The following RSPO3 variants were observed in gnomAD, a reference collection of about 807,000 sequenced individuals.
RSPO3 encodes the protein R-spondin 3.
Under a neutral mutation model 36.5 loss-of-function variants are expected in RSPO3, and 17 were observed. The ratio of observed to expected loss-of-function variants is 0.47; its 90% CI spans 0.32 to 0.70. RSPO3 has a LOEUF of 0.70. Ranked by LOEUF, RSPO3 falls within the 30% of genes least tolerant of loss-of-function variation. The pLI is 0.04. For synonymous variants in RSPO3, 108 were observed against 107.0 expected, an observed-to-expected ratio of 1.01 and a Z score of -0.06; for missense variants, 294 against 322.5, an observed-to-expected ratio of 0.91 and a Z score of 0.68.
rs992926859 is a variant in RSPO3 at position 127,118,848 on chromosome 6, C to A, written c.-345C>A. On this transcript the variant is annotated 5_prime_UTR_variant, in exon 1 of 5. Transcript: ENST00000356698. ...GGGCCGCCGCTGCAGCCGCCGCCGC[C>A]GCCGCTCGCCCGCCCGGATCCCGCC... 1.2e-5 allele frequency: 2 copies of A among 165,268 alleles called. No individual in the cohort carries two copies. Among genetic ancestry groups the A allele is most frequent in the African/African-American group, 4.8e-5 (2 of 41,826 alleles). The allele number at this position is 165,268 out of a possible 1,614,324, so 10.2% of individuals were successfully genotyped here.
intron 1 of RSPO3, among the ~76,000 whole-genome samples, chr6:127,142,893 T>C (rs1295280950): frequency 1.3e-5 from 2 of 151,902 alleles, no homozygotes; most frequent in Non-Finnish European, 2.9e-5. Context: ...CTTGGCTCAC[T>C]GGAGCCTGGG....
intron 1 of RSPO3, among the ~76,000 whole-genome samples, chr6:127,122,791 T>A (rs190742959): frequency 2.6e-5 from 4 of 152,214 alleles, no homozygotes; most frequent in African/African-American, 7.2e-5. Flanking sequence ...AAGAATTAAA[T>A]ACCTAATAGT....
At chr6:127,156,214 T>G (rs1285771315) in intron 4 of RSPO3, among the ~76,000 whole-genome samples, 1 of 152,210 alleles carries the variant, frequency 6.6e-6, no homozygotes, top group Non-Finnish European at 1.5e-5. Flanking sequence ...TCCAGATATC[T>G]TTTCATATTG....
At chr6:127,135,013 TCATTA>T (rs750489339) in intron 1 of RSPO3, among the ~76,000 whole-genome samples, 7 of 152,138 alleles carry the variant, frequency 4.6e-5, no homozygotes, top group Non-Finnish European at 1.0e-4. Context: ...TACTAATACC[TCATTA>T]GACAAAACGT....
chr6:127,149,195 A>C (rs1265035371), intron 2 of RSPO3, among the ~76,000 whole-genome samples: 4 of 152,096 alleles, frequency 2.6e-5, no homozygotes, highest in African/African-American at 9.7e-5. Flanking sequence ...AGCTATTTTG[A>C]CTTCAAGAGA....
At chr6:127,127,809 TCCTC>T (rs1458330665) in intron 1 of RSPO3, among the ~76,000 whole-genome samples, 1 of 151,950 alleles carries the variant, frequency 6.6e-6, no homozygotes, top group Non-Finnish European at 1.5e-5. Context: ...CTCTCTTCTT[TCCTC>T]CTTCTTTCTT....
Position 127,197,523 on chromosome 6 carries a change from A to T in RSPO3, c.*1516A>T, listed in dbSNP as rs1240887285. On this transcript the variant is annotated 3_prime_UTR_variant, in exon 5 of 5. Transcript: ENST00000356698. ...AGGTATCTCTGAGTGTGCAGCACAG[A>T]ATCGCATGACCCACCTTAACCTTCC... is the stretch of plus-strand genomic sequence containing the variant. 6.4e-7 allele frequency: 1 copy of T among 1,550,388 alleles called. No homozygotes were observed.
chr6:127,124,183 T>C (rs1253509692), intron 1 of RSPO3, among the ~76,000 whole-genome samples: 1 of 152,074 alleles, frequency 6.6e-6, no homozygotes, highest in Non-Finnish European at 1.5e-5. Flanking sequence ...ATTCTAGATA[T>C]ACTGATTTGC....
intron 1 of RSPO3, among the ~76,000 whole-genome samples, chr6:127,147,127 T>G (rs533899586): frequency 2.0e-5 from 3 of 152,216 alleles, no homozygotes; most frequent in African/African-American, 4.8e-5. Flanking sequence ...CGTCTTGGAA[T>G]GAGAATGAGC....
intron 2 of RSPO3, among the ~76,000 whole-genome samples, chr6:127,149,203 A>G (rs1318178507): frequency 6.6e-6 from 1 of 152,136 alleles, no homozygotes; most frequent in African/African-American, 2.4e-5. Flanking sequence ...TGACTTCAAG[A>G]GAGATTCCAG....
chr6:127,182,768 G>C (rs534085976), intron 4 of RSPO3, among the ~76,000 whole-genome samples: 1 of 151,816 alleles, frequency 6.6e-6, no homozygotes, highest in African/African-American at 2.4e-5. Context: ...ACAGTTATTC[G>C]AAACTCAAGG....
Position 127,150,480 on chromosome 6 carries a change from A to G in RSPO3, c.344A>G (p.Lys115Arg). 3 of 1,612,708 alleles carry G rather than the reference A, an allele frequency of 1.9e-6. No individual in the cohort carries two copies. The highest frequency in any genetic ancestry group is 2.5e-6 in the Non-Finnish European group (3 of 1,179,260). The change falls in exon 3 of 5, where the codon AAA (lysine) becomes AGA (arginine). Residue 115 changes from lysine to arginine, a missense_variant. Coordinates refer to ENST00000356698, the MANE Select transcript of RSPO3 (RefSeq NM_032784.5). ...AACAAAAATTTCTGCACAAAATGTA[A>G]AAGTGGATTTTACTTACACCTTGGA... ...CFNKNFCTKCKSGFYLHLGKC... is the reference protein window; with the variant it reads ...CFNKNFCTKCRSGFYLHLGKC...
At chr6:127,178,349 T>C (rs1034684583) in intron 4 of RSPO3, among the ~76,000 whole-genome samples, 5 of 151,720 alleles carry the variant, frequency 3.3e-5, no homozygotes, top group African/African-American at 9.7e-5. Context: ...ATTATAAAAA[T>C]AGAAGTCAGG....
intron 4 of RSPO3, among the ~76,000 whole-genome samples, chr6:127,172,865 T>C (rs1279659277): frequency 6.6e-6 from 1 of 151,790 alleles, no homozygotes; most frequent in Non-Finnish European, 1.5e-5. Context: ...CACTCAGACC[T>C]AATTCTGAGT....
In RSPO3 at chr6:127,155,329, G is replaced by C; in HGVS notation, c.525G>C (p.Arg175=). ...TCGFKRGTET[R]VREIIQHPSA... ...GCTTCAAAAGAGGGACTGAAACACG[G>C]GTCCGAGAAATAATACAGCATCCTT... Residue 175 remains arginine, a synonymous_variant, in exon 4 of 5, where the codon CGG becomes CGC. Coordinates refer to ENST00000356698, the MANE Select transcript of RSPO3 (RefSeq NM_032784.5). 1 of 1,613,854 alleles carries C rather than the reference G, an allele frequency of 6.2e-7. No homozygotes were observed. Among genetic ancestry groups the C allele is most frequent in the South Asian group, 1.1e-5 (1 of 91,080 alleles).
At chr6:127,181,433 G>A (rs1775184646) in intron 4 of RSPO3, among the ~76,000 whole-genome samples, 1 of 151,880 alleles carries the variant, frequency 6.6e-6, no homozygotes, top group African/African-American at 2.4e-5. Context: ...ATTCAGTGAT[G>A]CCTGAAAAGA....
chr6:127,122,496 A>AG (rs1773865424), intron 1 of RSPO3, among the ~76,000 whole-genome samples: 1 of 152,218 alleles, frequency 6.6e-6, no homozygotes, highest in Non-Finnish European at 1.5e-5. Context: ...GTGAAGAAGC[A>AG]GGTACTTATC....
chr6:127,123,806 A>G (rs1421611613), intron 1 of RSPO3, among the ~76,000 whole-genome samples: 1 of 152,086 alleles, frequency 6.6e-6, no homozygotes, highest in East Asian at 1.9e-4. Context: ...TCTCCATTAA[A>G]TAATTCCCTG....
chr6:127,169,568 A>C (rs909839678), intron 4 of RSPO3, among the ~76,000 whole-genome samples: 2 of 151,886 alleles, frequency 1.3e-5, no homozygotes, highest in Admixed American at 1.3e-4. Flanking sequence ...TAAGTCAAAA[A>C]GTACCTTGGA....
Sources: allele counts gnomAD v4.1 joint callset (sites outside exome capture counted in the v4.1 genomes callset), GRCh38; gene constraint gnomAD v4.1.1; transcripts MANE v1.5; gene names NCBI Gene and HGNC (gene_info 2026-07-23, HGNC 2026-07-21).